Variants in ADAMTSL1 observed in about 807,000 individuals in gnomAD.
The protein encoded by ADAMTSL1 is ADAMTS-like protein 1.
Under a neutral mutation model 201.8 loss-of-function variants are expected in ADAMTSL1, and 126 were observed. The observed-to-expected ratio is 0.62, with a 90% CI of 0.54 to 0.72. The LOEUF (loss-of-function observed/expected upper bound fraction) is 0.72, where lower values mean the gene tolerates loss of function less well. Ranked by LOEUF, ADAMTSL1 falls within the 30% of genes least tolerant of loss-of-function variation. The probability of loss-of-function intolerance (pLI) is 0.00; values close to 1 mark genes in which losing one functional copy is unlikely to be tolerated. For synonymous variants in ADAMTSL1, 1,121 were observed against 903.4 expected, an observed-to-expected ratio of 1.24 and a Z score of -4.32; for missense variants, 2,679 against 2,277.8, an observed-to-expected ratio of 1.18 and a Z score of -3.59.
intron 4 of ADAMTSL1, among the ~76,000 whole-genome samples, chr9:18,606,076 G>T (rs1587692790): frequency 6.6e-6 from 1 of 152,114 alleles, no homozygotes; most frequent in Non-Finnish European, 1.5e-5. Context: ...TCTCTGCAGG[G>T]TTAGGCCGCC....
intron 2 of ADAMTSL1, among the ~76,000 whole-genome samples, chr9:18,357,049 T>G (rs902710498): frequency 5.9e-5 from 9 of 152,198 alleles, no homozygotes; most frequent in African/African-American, 1.4e-4. Context: ...AATTTGTCAC[T>G]GCCACCCATC....
At chr9:18,546,520 T>A (rs1029469516) in intron 3 of ADAMTSL1, among the ~76,000 whole-genome samples, 35 of 152,010 alleles carry the variant, frequency 2.3e-4, no homozygotes, top group African/African-American at 8.2e-4. Flanking sequence ...CATACCAACA[T>A]CCCTTTCCCA....
intron 5 of ADAMTSL1, among the ~76,000 whole-genome samples, chr9:18,628,162 A>T (rs1283208969): frequency 6.7e-6 from 1 of 149,604 alleles, no homozygotes; most frequent in Non-Finnish European, 1.5e-5. Flanking sequence ...ATGTCTAAGA[A>T]CTTCTTGCCT....
chr9:18,018,934 G>A (rs1261726317), intron 1 of ADAMTSL1, among the ~76,000 whole-genome samples: 1 of 152,072 alleles, frequency 6.6e-6, no homozygotes, highest in Non-Finnish European at 1.5e-5. Flanking sequence ...TTGGAACCAG[G>A]TAGTGGGCAG....
intron 23 of ADAMTSL1, among the ~76,000 whole-genome samples, chr9:18,887,149 C>G (rs1408160906): frequency 9.2e-5 from 14 of 152,220 alleles, no homozygotes. Context: ...GAATTTCTCT[C>G]ACAACTGCAA....
intron 2 of ADAMTSL1, among the ~76,000 whole-genome samples, chr9:18,413,460 C>T (rs562874649): frequency 1.1e-3 from 162 of 152,274 alleles, no homozygotes; most frequent in Non-Finnish European, 1.7e-3. Context: ...CCACCATGCC[C>T]GGCCAGGATA....
intron 2 of ADAMTSL1, among the ~76,000 whole-genome samples, chr9:18,399,290 T>TAC (rs1191239078): frequency 6.0e-4 from 53 of 88,818 alleles, no homozygotes; most frequent in Admixed American, 3.2e-4. Flanking sequence ...CATATATATA[T>TAC]ATATATATAT....
chr9:17,964,764 C>G (rs1245595500), intron 1 of ADAMTSL1, among the ~76,000 whole-genome samples: 1 of 152,154 alleles, frequency 6.6e-6, no homozygotes, highest in African/African-American at 2.4e-5. Flanking sequence ...ACATGTGAAT[C>G]CACAGTGATC....
chr9:18,132,305 A>G (rs1338397302), intron 1 of ADAMTSL1, among the ~76,000 whole-genome samples: 1 of 152,114 alleles, frequency 6.6e-6, no homozygotes, highest in African/African-American at 2.4e-5. Context: ...CATCGTGTGT[A>G]TATTTTTTCC....
In ADAMTSL1 at chr9:18,775,818, A is replaced by G. The variant is rs1820945620; in HGVS notation, c.2473A>G (p.Thr825Ala). 1 of 1,609,486 alleles carries G rather than the reference A, an allele frequency of 6.2e-7. No individual in the cohort carries two copies. Among genetic ancestry groups the G allele is most frequent in the Non-Finnish European group, 8.5e-7 (1 of 1,177,774 alleles). Residue 825 changes from threonine (T) to alanine (A), a missense_variant, in exon 18 of 29, where the codon ACG becomes GCG. Thr to Ala is a moderately conservative substitution (Grantham distance 58). Coordinates refer to ENST00000380548, the MANE Select transcript of ADAMTSL1 (RefSeq NM_001040272.6). ...CRKMLKTGLSTVVNSTLCPPL... is the reference protein window; with the variant it reads ...CRKMLKTGLSAVVNSTLCPPL... ...AAAGATGCTGAAAACCGGCCTCTCAACGGTTGTCAATTCCACCCTGTGCCC... is the reference window on the plus strand; with the variant it reads ...AAAGATGCTGAAAACCGGCCTCTCAGCGGTTGTCAATTCCACCCTGTGCCC...
chr9:18,574,421 GA>G lies in ADAMTSL1; in HGVS notation c.474+159del. ...TTGAAAATTAAGGTATGATTTCAGT[GA>G]AAAGTACCAAGTGTTGTATTGTGCG... On this transcript the variant is annotated intron_variant, in intron 4 of 28. Coordinates refer to ENST00000380548, the MANE Select transcript of ADAMTSL1 (RefSeq NM_001040272.6). 4 of 766,618 alleles carry G rather than the reference GA, an allele frequency of 5.2e-6. No homozygotes were observed. In the South Asian group the frequency reaches 6.5e-5, roughly 12 times the overall value. 47.5% of individuals were successfully genotyped at this position (766,618 alleles called of 1,614,324 possible). A position where few individuals can be genotyped will look rare whatever the true frequency, so the allele number is the denominator to read the frequency against.
chr9:18,892,443 G>T lies in ADAMTSL1; in HGVS notation c.4698G>T (p.Gln1566His). 1.2e-6 allele frequency: 2 copies of T among 1,613,602 alleles called. No individual in the cohort carries two copies. The highest frequency in any genetic ancestry group is 1.7e-6 in the Non-Finnish European group (2 of 1,179,826). Reference protein sequence around the residue: ...ACTRSCGGGVQTRRVTCQKLK... With the variant: ...ACTRSCGGGVHTRRVTCQKLK... ...CCCGGAGCTGTGGGGGAGGTGTCCA[G>T]ACCCGCAGGGTGACCTGTCAAAAGC... The change falls in exon 26 of 29, where the codon CAG becomes CAT. Residue 1566 changes from glutamine (Q) to histidine (H), a missense_variant. Transcript: ENST00000380548.
At chr9:18,043,741 T>C (rs1821535215) in intron 1 of ADAMTSL1, among the ~76,000 whole-genome samples, 1 of 152,082 alleles carries the variant, frequency 6.6e-6, no homozygotes, top group African/African-American at 2.4e-5. Flanking sequence ...TATTTTCAGC[T>C]TGTGGATAAT....
chr9:18,287,555 T>A (rs1293117496), intron 2 of ADAMTSL1, among the ~76,000 whole-genome samples: 1 of 150,528 alleles, frequency 6.6e-6, no homozygotes, highest in African/African-American at 2.4e-5. Context: ...TACATACATG[T>A]AGAAATATTA....
At chr9:18,867,313 A>G (rs1827593895) in intron 23 of ADAMTSL1, among the ~76,000 whole-genome samples, 1 of 152,254 alleles carries the variant, frequency 6.6e-6, no homozygotes, top group African/African-American at 2.4e-5. Flanking sequence ...TTGGGAAAAT[A>G]TGTTTAAATA....
chr9:18,469,491 A>C (rs1362795618), upstream of ADAMTSL1, among the ~76,000 whole-genome samples: 2 of 152,250 alleles, frequency 1.3e-5, no homozygotes, highest in Non-Finnish European at 2.9e-5. Flanking sequence ...TTACCAAAGA[A>C]AAAGACTCCA....
chr9:18,777,511 C>A lies in ADAMTSL1; in HGVS notation c.3282C>A (p.Asp1094Glu), dbSNP rs1312243442. 1 of 1,599,424 alleles carries A rather than the reference C, an allele frequency of 6.3e-7. No homozygotes were observed. Among genetic ancestry groups the A allele is most frequent in the African/African-American group, 1.3e-5 (1 of 74,582 alleles). ...CCCAGCAGCCCGAGGAGCTGCGCGA[C>A]CTCTACAGCAAGCACCTGGTGGCCC... ...NLSQQPEELRDLYSKHLVAQL... is the reference protein window; with the variant it reads ...NLSQQPEELRELYSKHLVAQL... The change falls in exon 19 of 29, where the codon GAC becomes GAA. Residue 1094 changes from aspartate to glutamate, a missense_variant. By Grantham distance (45) the Asp-to-Glu change is conservative. Transcript: ENST00000380548.
chr9:18,629,802 A>G (rs368787740), intron 5 of ADAMTSL1, among the ~76,000 whole-genome samples: 1 of 152,128 alleles, frequency 6.6e-6, no homozygotes, highest in African/African-American at 2.4e-5. Context: ...AAGAGATTGT[A>G]TGGAATTGAA....
In ADAMTSL1 at chr9:18,506,359, T is replaced by C. The variant is rs369971917; in HGVS notation, c.191+1403T>C. Among the ~76,000 whole-genome samples the C allele has an allele frequency of 1.6e-3, 247 of 152,344 alleles. 11 individuals are homozygous for C. In the South Asian group the frequency reaches 0.048, roughly 29 times the overall value. ...GTATAAATTTAGAATGTTCCTGTTA[T>C]TTAGTTTTCTCAAATTAGCATCCTT... On this transcript the variant is annotated intron_variant, in intron 2 of 28. Coordinates refer to ENST00000380548, the MANE Select transcript of ADAMTSL1 (RefSeq NM_001040272.6).
Sources: allele counts gnomAD v4.1 joint callset (sites outside exome capture counted in the v4.1 genomes callset), GRCh38; gene constraint gnomAD v4.1.1; transcripts MANE v1.5; gene names NCBI Gene and HGNC (gene_info 2026-07-23, HGNC 2026-07-21).